Variants in TMTC2 observed in about 807,000 individuals in gnomAD.
TMTC2 encodes the protein protein O-mannosyl-transferase TMTC2.
TMTC2 carries 43 observed loss-of-function variants against 82.4 expected under a neutral mutation model. The ratio of observed to expected loss-of-function variants is 0.52; its 90% confidence interval spans 0.41 to 0.67. The LOEUF (loss-of-function observed/expected upper bound fraction) is 0.67, where lower values mean the gene tolerates loss of function less well. TMTC2 is among the 30% of genes least tolerant of loss of function. The probability of loss-of-function intolerance (pLI) is 0.00; values close to 1 mark genes in which losing one functional copy is unlikely to be tolerated. For synonymous variants in TMTC2, 408 were observed against 381.9 expected, an observed-to-expected ratio of 1.07 and a Z score of -0.80; for missense variants, 919 against 1,012.4, an observed-to-expected ratio of 0.91 and a Z score of 1.25.
chr12:83,088,545 A>C (rs2137515393), intron 11 of TMTC2, among the ~76,000 whole-genome samples: 1 of 152,340 alleles, frequency 6.6e-6, no homozygotes, highest in South Asian at 2.1e-4. Context: ...AAAGAGGATT[A>C]TTAATTGGCC....
chr12:82,799,805 C>G, intron 1 of TMTC2, among the ~76,000 whole-genome samples: 1 of 152,048 alleles, frequency 6.6e-6, no homozygotes, highest in East Asian at 1.9e-4. Flanking sequence ...AGAGGTCTTG[C>G]CGATGAATCC....
At chr12:83,081,718 G>A (rs1883476168) in intron 11 of TMTC2, among the ~76,000 whole-genome samples, 1 of 152,002 alleles carries the variant, frequency 6.6e-6, no homozygotes, top group Non-Finnish European at 1.5e-5. Context: ...AATTTCCTGA[G>A]AAGGAAAAAA....
chr12:83,080,795 G>C (rs1883439016), intron 11 of TMTC2, among the ~76,000 whole-genome samples: 1 of 152,192 alleles, frequency 6.6e-6, no homozygotes, highest in South Asian at 2.1e-4. Flanking sequence ...GAGTGGAGAA[G>C]TGCTGTTCTT....
chr12:82,956,503 A>G (rs1007311927), intron 4 of TMTC2, among the ~76,000 whole-genome samples: 1 of 152,108 alleles, frequency 6.6e-6, no homozygotes, highest in African/African-American at 2.4e-5. Context: ...AGGCTAGAGT[A>G]CAATAGTATG....
At chr12:82,844,977 C>T (rs1046490209) in intron 1 of TMTC2, among the ~76,000 whole-genome samples, 1 of 151,440 alleles carries the variant, frequency 6.6e-6, no homozygotes, top group Non-Finnish European at 1.5e-5. Flanking sequence ...CCTGTAATCC[C>T]AGCACTTTGG....
At chr12:83,111,980 C>G (rs551062658) in intron 11 of TMTC2, among the ~76,000 whole-genome samples, 15 of 151,608 alleles carry the variant, frequency 9.9e-5, no homozygotes, top group African/African-American at 2.7e-4. Context: ...GTGGCACATG[C>G]CAGTGGTCCC....
At chr12:82,843,101 G>A (rs1870430893) in intron 1 of TMTC2, among the ~76,000 whole-genome samples, 1 of 150,292 alleles carries the variant, frequency 6.7e-6, no homozygotes, top group Admixed American at 6.6e-5. Flanking sequence ...ATAGTCTCGA[G>A]TAGGACTCTT....
chr12:82,709,011 T>C (rs1442831920), intron 1 of TMTC2, among the ~76,000 whole-genome samples: 1 of 152,220 alleles, frequency 6.6e-6, no homozygotes, highest in Non-Finnish European at 1.5e-5. Context: ...CTCGTCTTCA[T>C]GCTTTTTTGT....
chr12:82,938,915 T>G (rs1485464773), intron 4 of TMTC2, among the ~76,000 whole-genome samples: 1 of 152,224 alleles, frequency 6.6e-6, no homozygotes, highest in Non-Finnish European at 1.5e-5. Context: ...CATTTATACA[T>G]GTGGTTATGT....
intron 3 of TMTC2, among the ~76,000 whole-genome samples, chr12:82,907,181 G>C (rs1473372204): frequency 6.6e-6 from 1 of 151,912 alleles, no homozygotes; most frequent in Admixed American, 6.6e-5. Context: ...GAATGAATTG[G>C]GGCCGGGCGT....
chr12:82,985,461 G>T (rs1376317604), intron 7 of TMTC2, among the ~76,000 whole-genome samples: 1 of 152,078 alleles, frequency 6.6e-6, no homozygotes, highest in Non-Finnish European at 1.5e-5. Context: ...TCTCAAAAAG[G>T]TAAGTCATTT....
At chr12:82,713,326 G>C (rs28421744) in intron 1 of TMTC2, among the ~76,000 whole-genome samples, 2 of 147,626 alleles carry the variant, frequency 1.4e-5, no homozygotes, top group African/African-American at 2.5e-5. Flanking sequence ...AAAAAAAAAA[G>C]AAAAACAAAA....
intron 10 of TMTC2, among the ~76,000 whole-genome samples, 160 bp downstream of exon 10, chr12:83,051,178 T>C (rs1882331334): frequency 6.6e-6 from 1 of 152,202 alleles, no homozygotes; most frequent in African/African-American, 2.4e-5. Context: ...TTATAGGCTA[T>C]TCAAGCTTAT....
intron 3 of TMTC2, among the ~76,000 whole-genome samples, chr12:82,913,205 A>C (rs779026759): frequency 6.6e-6 from 1 of 152,084 alleles, no homozygotes; most frequent in Non-Finnish European, 1.5e-5. Flanking sequence ...TAGCACAATG[A>C]TTTTGAGATA....
At position 83,048,662 on chromosome 12, in the gene TMTC2, C is replaced by CATTT. The variant is rs1181943042; in HGVS notation, c.2153-2227_2153-2224dup. On this transcript the variant is annotated intron_variant, in intron 9 of 11. Transcript: ENST00000321196. ...AGAAATACTTAAATGCAAGCAGTGG[C>CATTT]ATTTATTTATTTATTTATGAATGAA... 2.0e-5 allele frequency among the ~76,000 whole-genome samples: 3 copies of CATTT among 152,102 alleles called. No individual in the cohort carries two copies. The South Asian group carries it at 6.2e-4, about 32-fold the overall frequency.
chr12:82,781,545 ATTC>A lies in TMTC2; in HGVS notation c.84-75459_84-75457del, dbSNP rs1335538493. 5.3e-5 allele frequency among the ~76,000 whole-genome samples: 8 copies of A among 151,732 alleles called. No homozygotes were observed. In the East Asian group the frequency reaches 7.8e-4, roughly 15 times the overall value. ...ACACAGATGCTAATTGTATTCTGTAATTCTTCTTGGTTGCCATTGCGATGTTCT... is the reference window on the plus strand; with the variant it reads ...ACACAGATGCTAATTGTATTCTGTAATTCTTGGTTGCCATTGCGATGTTCT... On this transcript the variant is annotated intron_variant, in intron 1 of 11. Coordinates refer to ENST00000321196, the MANE Select transcript of TMTC2 (RefSeq NM_152588.3).
intron 1 of TMTC2, among the ~76,000 whole-genome samples, chr12:82,722,400 A>AC (rs1337703839): frequency 7.0e-6 from 1 of 143,848 alleles, no homozygotes; most frequent in Non-Finnish European, 1.5e-5. Context: ...TAAAAATACA[A>AC]AAAAAAAAAA....
intron 8 of TMTC2, among the ~76,000 whole-genome samples, chr12:82,998,660 C>T (rs1879771929): frequency 1.3e-5 from 2 of 152,078 alleles, no homozygotes; most frequent in Non-Finnish European, 2.9e-5. Context: ...CAGAATAATA[C>T]ATCAGAGGAA....
In TMTC2 at chr12:82,941,450, A is replaced by G. The variant is rs116175725; in HGVS notation, c.1598+10905A>G. Among the ~76,000 whole-genome samples the G allele has an allele frequency of 8.8e-3, 1,334 of 152,350 alleles. 23 individuals carry two copies. Among genetic ancestry groups the G allele is most frequent in the African/African-American group, 0.03 (1,263 of 41,572 alleles). On this transcript the variant is annotated intron_variant, in intron 4 of 11. Coordinates refer to ENST00000321196, the MANE Select transcript of TMTC2 (RefSeq NM_152588.3). Reference sequence around the variant, plus strand: ...CATGCATATGTTGATTAATAACCTAATGGACTAATTAATGAGATAATAAAC... The same window carrying G: ...CATGCATATGTTGATTAATAACCTAGTGGACTAATTAATGAGATAATAAAC...
Sources: allele counts gnomAD v4.1 joint callset (sites outside exome capture counted in the v4.1 genomes callset), GRCh38; gene constraint gnomAD v4.1.1; transcripts MANE v1.5; gene names NCBI Gene and HGNC (gene_info 2026-07-23, HGNC 2026-07-21).